Variants in MARCHF1 observed in about 807,000 individuals in gnomAD.
MARCHF1 encodes E3 ubiquitin-protein ligase MARCHF1.
Under a neutral mutation model 54.2 loss-of-function variants are expected in MARCHF1, and 40 were observed. The observed-to-expected ratio is 0.74, with a 90% CI of 0.57 to 0.96. The LOEUF (loss-of-function observed/expected upper bound fraction) is 0.96. Among genes scored for constraint, MARCHF1 ranks in the 40% least tolerant of loss-of-function variants. MARCHF1 has a pLI of 0.00. For missense variants in MARCHF1, 586 were observed against 656.5 expected (o/e 0.89, Z 1.17); for synonymous variants, 236 against 236.3 (o/e 1.00, Z 0.01).
intron 1 of MARCHF1, among the ~76,000 whole-genome samples, chr4:164,207,799 C>T (rs1420832558): frequency 1.3e-5 from 2 of 152,126 alleles, no homozygotes; most frequent in Non-Finnish European, 2.9e-5. Context: ...GGGGGATCAA[C>T]ACACACTGGG....
intron 2 of MARCHF1, among the ~76,000 whole-genome samples, chr4:164,027,019 G>A (rs1753784057): frequency 6.6e-6 from 1 of 151,592 alleles, no homozygotes; most frequent in Non-Finnish European, 1.5e-5. Flanking sequence ...CTAGTAATAT[G>A]TCTAAAGGAA....
At chr4:164,291,396 T>C (rs1371445996) in intron 1 of MARCHF1, among the ~76,000 whole-genome samples, 1 of 152,058 alleles carries the variant, frequency 6.6e-6, no homozygotes, top group Non-Finnish European at 1.5e-5. Flanking sequence ...ATGGCTACTT[T>C]AGTAACAAAA....
At chr4:163,582,777 A>C (rs1029879497) in intron 8 of MARCHF1, among the ~76,000 whole-genome samples, 2 of 151,844 alleles carry the variant, frequency 1.3e-5, no homozygotes, top group Non-Finnish European at 2.9e-5. Context: ...ACAAAAAAAA[A>C]ACTATTGATG....
At chr4:164,136,093 G>C (rs961349552) in intron 1 of MARCHF1, among the ~76,000 whole-genome samples, 19 of 146,698 alleles carry the variant, frequency 1.3e-4, no homozygotes, top group African/African-American at 4.8e-4. Flanking sequence ...TTTTTTTCCT[G>C]TGCAGATCAG....
At chr4:163,718,665 A>C (rs186264126) in intron 4 of MARCHF1, among the ~76,000 whole-genome samples, 2 of 152,196 alleles carry the variant, frequency 1.3e-5, no homozygotes. Context: ...GACTCTGGTC[A>C]GTTGTGGTTA....
chr4:163,835,836 T>C (rs1749165415), intron 4 of MARCHF1, among the ~76,000 whole-genome samples: 1 of 151,722 alleles, frequency 6.6e-6, no homozygotes, highest in Non-Finnish European at 1.5e-5. Flanking sequence ...AACCAGTTTA[T>C]GCAGAGAGTT....
rs180955035 is a variant in MARCHF1, at chr4:164,064,818, T to C, written c.-248+46770A>G. On this transcript the variant is annotated intron_variant, in intron 2 of 9. Coordinates refer to ENST00000514618, the MANE Select transcript of MARCHF1 (RefSeq NM_001394959.1). ...ATGGCTCTTATTATTTTGAGGTATG[T>C]TCCTTTAATACATAGTTTATTGAGA... Among the ~76,000 whole-genome samples the C allele has an allele frequency of 6.0e-3, 917 of 152,328 alleles. 5 individuals carry two copies. The highest frequency in any genetic ancestry group is 8.9e-3 in the Non-Finnish European group (605 of 68,032).
In MARCHF1 at chr4:164,003,846, T is replaced by C. The variant is rs151024919; in HGVS notation, c.-247-15137A>G. Among the ~76,000 whole-genome samples the C allele has an allele frequency of 5.8e-4, 88 of 152,276 alleles. 1 individual carries two copies. Among genetic ancestry groups the C allele is most frequent in the African/African-American group, 2.1e-3 (87 of 41,560 alleles). ...AAAGATACATGCATGTGTATGTTTA[T>C]TGCAGCACTATTCACAATAGCAAAA... On this transcript the variant is annotated intron_variant, in intron 2 of 9. Coordinates refer to ENST00000514618, the MANE Select transcript of MARCHF1 (RefSeq NM_001394959.1).
chr4:163,614,902 A>G (rs1450023918), intron 5 of MARCHF1, among the ~76,000 whole-genome samples: 1 of 152,108 alleles, frequency 6.6e-6, no homozygotes, highest in Non-Finnish European at 1.5e-5. Context: ...GGAAGATACT[A>G]CACTGATGGC....
rs369951568 is a variant in MARCHF1, at chr4:163,915,743, T to C, written c.-38-61574A>G. Among the ~76,000 whole-genome samples the C allele has an allele frequency of 4.6e-4, 70 of 152,244 alleles. 1 individual carries two copies. In the South Asian group the frequency reaches 7.5e-3, roughly 16 times the overall value. ...AACAATAGAGTCTAATTATAAAGAA[T>C]GAATAAGTGTTTATTGATCCATATT... On this transcript the variant is annotated intron_variant, in intron 3 of 9. Transcript: ENST00000514618.
chr4:164,158,486 CA>C (rs1049890103), intron 1 of MARCHF1, among the ~76,000 whole-genome samples: 11 of 151,960 alleles, frequency 7.2e-5, no homozygotes, highest in Non-Finnish European at 1.5e-4. Flanking sequence ...ACTAAAAATA[CA>C]AAAGTCAGCC....
intron 1 of MARCHF1, among the ~76,000 whole-genome samples, chr4:164,217,918 A>C (rs1330534847): frequency 6.6e-6 from 1 of 152,120 alleles, no homozygotes; most frequent in East Asian, 1.9e-4. Context: ...AGAGAGAGAG[A>C]GGGGAAAAAC....
At chr4:164,190,229 C>T (rs1008552109) in intron 1 of MARCHF1, 3 of 1,353,294 alleles carry the variant, frequency 2.2e-6, no homozygotes, top group Admixed American at 1.9e-5. Flanking sequence ...TCGAAGCTAA[C>T]AAGAAGGAAC....
chr4:163,737,116 A>G (rs1376712541), intron 4 of MARCHF1, among the ~76,000 whole-genome samples: 1 of 142,666 alleles, frequency 7.0e-6, no homozygotes, highest in Non-Finnish European at 1.5e-5. Context: ...GCCTGTGGCT[A>G]TTCTCATTTA....
chr4:163,986,366 G>A lies in MARCHF1; in HGVS notation c.-39+2135C>T, dbSNP rs1440214324. Among the ~76,000 whole-genome samples, 4 of 144,968 alleles carry A rather than the reference G, an allele frequency of 2.8e-5. No individual in the cohort carries two copies. The Admixed American group carries it at 2.8e-4, about 10-fold the overall frequency. ...TGCAAGCTCCGCCTCCCGGGTTCACGCCATTCTCCTGCCTCAGCCTCCTGA... is the reference window on the plus strand; with the variant it reads ...TGCAAGCTCCGCCTCCCGGGTTCACACCATTCTCCTGCCTCAGCCTCCTGA... On this transcript the variant is annotated intron_variant, in intron 3 of 9. Coordinates refer to ENST00000514618, the MANE Select transcript of MARCHF1 (RefSeq NM_001394959.1).
intron 3 of MARCHF1, among the ~76,000 whole-genome samples, chr4:163,947,458 C>T (rs1752046579): frequency 6.6e-6 from 1 of 152,084 alleles, no homozygotes; most frequent in African/African-American, 2.4e-5. Context: ...TTGGATTATG[C>T]AGGTGGGTCC....
chr4:163,668,300 G>C (rs1025553922), intron 5 of MARCHF1, among the ~76,000 whole-genome samples: 35 of 152,178 alleles, frequency 2.3e-4, no homozygotes, highest in African/African-American at 8.2e-4. Context: ...GTGAGGCAGA[G>C]AGCTAAGTGC....
chr4:163,801,060 C>T (rs1748068983), intron 4 of MARCHF1, among the ~76,000 whole-genome samples: 1 of 152,044 alleles, frequency 6.6e-6, no homozygotes, highest in Admixed American at 6.6e-5. Context: ...CTATAACTGG[C>T]ATTCACAGAA....
intron 1 of MARCHF1, chr4:164,197,466 CTT>C: frequency 1.2e-6 from 2 of 1,613,644 alleles, no homozygotes; most frequent in Non-Finnish European, 1.7e-6. Flanking sequence ...GGTTTGGACA[CTT>C]TTCTGCCAAT....
Sources: allele counts gnomAD v4.1 joint callset (sites outside exome capture counted in the v4.1 genomes callset), GRCh38; gene constraint gnomAD v4.1.1; transcripts MANE v1.5; gene names NCBI Gene and HGNC (gene_info 2026-07-23, HGNC 2026-07-21).